CTNNA2: variants seen among roughly 807,000 people sequenced by gnomAD.
The protein encoded by CTNNA2 is catenin alpha-2.
CTNNA2 carries 42 observed loss-of-function variants against 101.0 expected under a neutral mutation model. The ratio of observed to expected loss-of-function variants is 0.42; its 90% CI spans 0.32 to 0.54. The LOEUF (loss-of-function observed/expected upper bound fraction) is 0.54. CTNNA2 is among the 20% of genes least tolerant of loss of function. The pLI is 0.14. For synonymous variants in CTNNA2, 450 were observed against 456.4 expected (o/e 0.99, Z 0.18); for missense variants, 871 against 1,223.1 (o/e 0.71, Z 4.29).
At chr2:80,188,623 G>C (rs1706277471) in intron 7 of CTNNA2, among the ~76,000 whole-genome samples, 1 of 152,066 alleles carries the variant, frequency 6.6e-6, no homozygotes, top group Non-Finnish European at 1.5e-5. Flanking sequence ...CCAATTCCTT[G>C]GCTCACAGCC....
intron 3 of CTNNA2, among the ~76,000 whole-genome samples, chr2:79,342,944 C>T (rs1677170529): frequency 6.6e-6 from 1 of 152,158 alleles, no homozygotes; most frequent in Non-Finnish European, 1.5e-5. Context: ...ACCTGCAGGG[C>T]CTTCTCCTAT....
chr2:79,310,647 AT>A lies in CTNNA2; in HGVS notation c.-405-2055del, dbSNP rs958615769. 5.6e-4 allele frequency among the ~76,000 whole-genome samples: 86 copies of A among 152,282 alleles called. 1 individual carries two copies. The highest frequency in any genetic ancestry group is 1.9e-3 in the African/African-American group (80 of 41,560). Reference sequence around the variant, plus strand: ...AACCAATTTTTAGAAAACTAAAAGGATTTTTTTCTCTCGTTAAAGATATAAA... The same window carrying A: ...AACCAATTTTTAGAAAACTAAAAGGATTTTTTCTCTCGTTAAAGATATAAA... On this transcript the variant is annotated intron_variant, in intron 2 of 21. Coordinates refer to the CTNNA2 transcript ENST00000466387.
At chr2:80,244,184 G>A (rs539630736) in intron 7 of CTNNA2, among the ~76,000 whole-genome samples, 59 of 152,268 alleles carry the variant, frequency 3.9e-4, no homozygotes, top group African/African-American at 1.4e-3. Context: ...AAATTAATGT[G>A]GATCAAAATT....
chr2:80,500,979 T>A, intron 9 of CTNNA2, among the ~76,000 whole-genome samples: 1 of 152,236 alleles, frequency 6.6e-6, no homozygotes, highest in East Asian at 1.9e-4. Flanking sequence ...GTCTATATAC[T>A]TGGTCAGGTT....
intron 7 of CTNNA2, among the ~76,000 whole-genome samples, chr2:79,931,026 T>A (rs1475091170): frequency 6.6e-6 from 1 of 152,134 alleles, no homozygotes; most frequent in Non-Finnish European, 1.5e-5. Flanking sequence ...TGATTTTTTT[T>A]ATATCTGGTG....
intron 3 of CTNNA2, among the ~76,000 whole-genome samples, chr2:79,795,243 T>A (rs2105271463): frequency 6.6e-6 from 1 of 152,314 alleles, no homozygotes; most frequent in South Asian, 2.1e-4. Flanking sequence ...ACATTGACTT[T>A]TCTTGCCTTC....
At chr2:79,551,438 ATAAAG>A (rs1674093332) in intron 1 of CTNNA2, among the ~76,000 whole-genome samples, 2 of 152,160 alleles carry the variant, frequency 1.3e-5, no homozygotes, top group South Asian at 2.1e-4. Flanking sequence ...TTTACATAAG[ATAAAG>A]TAAATGCAGA....
chr2:79,560,851 C>T (rs893333378), intron 1 of CTNNA2, among the ~76,000 whole-genome samples: 2 of 151,834 alleles, frequency 1.3e-5, no homozygotes, highest in East Asian at 1.9e-4. Flanking sequence ...AGAAGCATCC[C>T]AGATTTCACC....
At chr2:80,536,832 AC>A (rs1210482033) in intron 9 of CTNNA2, among the ~76,000 whole-genome samples, 1 of 152,218 alleles carries the variant, frequency 6.6e-6, no homozygotes, top group Non-Finnish European at 1.5e-5. Context: ...TTGTACAGCC[AC>A]GATGTAGTTT....
chr2:80,281,482 C>A (rs190967668), intron 7 of CTNNA2, among the ~76,000 whole-genome samples: 7 of 152,268 alleles, frequency 4.6e-5, no homozygotes, highest in Non-Finnish European at 8.8e-5. Flanking sequence ...ACATTAGTGT[C>A]TGTGGGTATA....
intron 2 of CTNNA2, among the ~76,000 whole-genome samples, chr2:79,209,578 T>A (rs1379885582): frequency 6.6e-6 from 1 of 152,224 alleles, no homozygotes; most frequent in African/African-American, 2.4e-5. Flanking sequence ...AACTGTCTTT[T>A]AATGCTAATG....
chr2:79,888,343 T>A (rs1684048344), intron 6 of CTNNA2, among the ~76,000 whole-genome samples: 1 of 152,184 alleles, frequency 6.6e-6, no homozygotes, highest in South Asian at 2.1e-4. Context: ...CCATCTTTTC[T>A]GCCCAGAAAT....
At chr2:79,307,032 A>G (rs1273308334) in intron 2 of CTNNA2, among the ~76,000 whole-genome samples, 1 of 152,154 alleles carries the variant, frequency 6.6e-6, no homozygotes, top group Non-Finnish European at 1.5e-5. Flanking sequence ...AGTCATACAT[A>G]TGATAATTTC....
intron 3 of CTNNA2, among the ~76,000 whole-genome samples, chr2:79,847,652 T>G (rs867126970): frequency 6.6e-6 from 1 of 151,568 alleles, no homozygotes; most frequent in Non-Finnish European, 1.5e-5. Context: ...TTGCATCTGT[T>G]AAAATTTCAT....
At chr2:79,891,577 G>C (rs758923956) in intron 6 of CTNNA2, among the ~76,000 whole-genome samples, 1 of 152,088 alleles carries the variant, frequency 6.6e-6, no homozygotes, top group East Asian at 1.9e-4. Context: ...AAGATAACGC[G>C]GTTATCTGCC....
chr2:80,638,380 A>AT (rs577676252), intron 18 of CTNNA2, among the ~76,000 whole-genome samples: 142 of 152,162 alleles, frequency 9.3e-4, no homozygotes, highest in Non-Finnish European at 1.4e-3. Context: ...ATTCCTCATG[A>AT]TTTTTTTGTT....
At chr2:80,562,040 A>G (rs1265602973) in intron 12 of CTNNA2, among the ~76,000 whole-genome samples, 1 of 150,104 alleles carries the variant, frequency 6.7e-6, no homozygotes, top group African/African-American at 2.4e-5. Context: ...TTTGGAATAT[A>G]AATGCATGGT....
chr2:80,226,617 G>C lies in CTNNA2; in HGVS notation c.1057-166594G>C, dbSNP rs182954484. Among the ~76,000 whole-genome samples, 115 of 152,270 alleles carry C rather than the reference G, an allele frequency of 7.6e-4. 1 individual carries two copies. Among genetic ancestry groups the C allele is most frequent in the African/African-American group, 2.7e-3 (111 of 41,546 alleles). On this transcript the variant is annotated intron_variant, in intron 7 of 18. Transcript: ENST00000402739. ...TTATATGCTGTACACAGACAGCCAT[G>C]CTTTCTTGTCTTCATATCTCCCTCC...
At chr2:80,455,020 G>T (rs1466260893) in intron 9 of CTNNA2, among the ~76,000 whole-genome samples, 1 of 152,240 alleles carries the variant, frequency 6.6e-6, no homozygotes, top group Admixed American at 6.5e-5. Context: ...ATATGCGGAG[G>T]CTGCATCCCT....
Sources: gnomAD v4.1 joint callset for allele counts (sites outside exome capture counted in the v4.1 genomes callset) on GRCh38, gnomAD v4.1.1 for gene constraint, MANE v1.5 for transcripts, NCBI Gene and HGNC (gene_info 2026-07-23, HGNC 2026-07-21) for gene names.